Variants in GDPD2 observed in about 807,000 individuals in gnomAD.
GDPD2 encodes glycerophosphodiester phosphodiesterase domain containing 2, also known as glycerophosphodiester phosphodiesterase 3.
GDPD2 carries 23 observed loss-of-function variants against 49.2 expected under a neutral mutation model. The observed-to-expected ratio is 0.47, with a 90% CI of 0.34 to 0.66. The LOEUF (loss-of-function observed/expected upper bound fraction) is 0.66, where lower values mean the gene tolerates loss of function less well. Among genes scored for constraint, GDPD2 ranks in the 30% least tolerant of loss-of-function variants. GDPD2 has a pLI of 0.01. For missense variants in GDPD2, 338 were observed against 424.7 expected (o/e 0.80, Z 1.79); for synonymous variants, 167 against 171.4 (o/e 0.97, Z 0.20).
Position 70,433,053 on chromosome X carries a change from G to A in GDPD2, c.1587G>A (p.Leu529=), listed in dbSNP as rs35940902. The A allele has an allele frequency of 8.1e-4, 977 of 1,199,135 alleles. 9 individuals are homozygous for A. The African/African-American group carries it at 0.014, about 17-fold the overall frequency. Residue 529 remains leucine (L), a synonymous_variant, in exon 16 of 16, where the codon CTG becomes CTA. Coordinates refer to ENST00000374382, the MANE Select transcript of GDPD2 (RefSeq NM_017711.4). The part of the protein sequence containing the change: ...RGKTGLETAV[L]LTRINNFMME Reference sequence around the variant, plus strand: ...CCCCAGGCTTAGAAACAGCAGTGCTGCTGACAAGGATCAACAATTTCATGA... The same window carrying A: ...CCCCAGGCTTAGAAACAGCAGTGCTACTGACAAGGATCAACAATTTCATGA...
rs201919031 is a variant in GDPD2 at position 70,426,071 on chromosome X, G to A, written c.323G>A (p.Arg108Gln). ...SLLLVLALLL[R>Q]LCRQPLHLHS... ...CTCTAGGTCCTGGCCCTGCTCCTGC[G>A]GCTTTGTAGACAGCCCCTGCATCTG... The change falls in exon 5 of 16, where the codon CGG (arginine) becomes CAG (glutamine). Residue 108 changes from arginine to glutamine, a missense_variant. Coordinates refer to ENST00000374382, the MANE Select transcript of GDPD2 (RefSeq NM_017711.4). 5.4e-5 allele frequency: 65 copies of A among 1,207,566 alleles called. No individual in the cohort carries two copies. The highest frequency in any genetic ancestry group is 6.4e-5 in the Non-Finnish European group (57 of 892,808).
chrX:70,426,736 G>T lies in GDPD2; in HGVS notation c.551G>T (p.Arg184Leu). The T allele has an allele frequency of 8.3e-7, 1 of 1,198,699 alleles. No homozygotes were observed. Among genetic ancestry groups the T allele is most frequent in the East Asian group, 3.0e-5 (1 of 33,755 alleles). The change falls in exon 7 of 16, where the codon CGA becomes CTA. Residue 184 changes from arginine (R) to leucine (L), a missense_variant. Arg to Leu is a moderately radical substitution (Grantham distance 102, BLOSUM62 -2). Transcript: ENST00000374382. ...PVADTFYRIH[R>L]RGPKILLLLL... ...GCTGATACCTTCTACCGTATCCACC[G>T]AAGAGGTGCCAACGCTGCTGCCCCA...
chrX:70,430,648 C>G (rs942948060), intron 12 of GDPD2, among the ~76,000 whole-genome samples: 11 of 111,843 alleles, frequency 9.8e-5, no homozygotes, highest in African/African-American at 3.6e-4. Flanking sequence ...CAGATGTGAG[C>G]TGAGCCCCAG....
At chrX:70,425,890 CA>C (rs1368258150) in intron 4 of GDPD2, 34 bp downstream of exon 4, 1 of 949,244 alleles carries the variant, frequency 1.1e-6, no homozygotes, top group Non-Finnish European at 1.5e-6. Context: ...AACCCCACCT[CA>C]GCCTTCCTTC....
chrX:70,429,449 C>T (rs1979602307), intron 10 of GDPD2, 44 bp from the exon 11 acceptor site: 1 of 876,507 alleles, frequency 1.1e-6, no homozygotes, highest in Admixed American at 2.6e-5. Flanking sequence ...GGGGCAAGGC[C>T]TGGAAGCCTC....
At chrX:70,432,977 C>G (rs768673526) in intron 15 of GDPD2, 37 bp downstream of exon 15, 5 of 1,177,642 alleles carry the variant, frequency 4.2e-6, no homozygotes, top group Non-Finnish European at 5.8e-6. Context: ...GTTTCTCCTC[C>G]TGTAGCTTTC....
intron 12 of GDPD2, chrX:70,430,869 C>A: frequency 2.6e-6 from 1 of 386,674 alleles, no homozygotes; most frequent in South Asian, 5.1e-5. Flanking sequence ...GTGGCCTGAT[C>A]AGAGCTCACT....
At chrX:70,425,243 C>G in intron 2 of GDPD2, 111 bp from the exon 3 acceptor site, 3 of 671,035 alleles carry the variant, frequency 4.5e-6, no homozygotes, top group Non-Finnish European at 4.9e-6. Context: ...AGCTGCCCCC[C>G]GAGCAGAGCA....
intron 10 of GDPD2, among the ~76,000 whole-genome samples, chrX:70,428,722 T>G (rs771398967): frequency 8.9e-6 from 1 of 112,398 alleles, no homozygotes; most frequent in African/African-American, 3.2e-5. Context: ...ATGGGAATAA[T>G]AACAGTACCT....
At chrX:70,427,255 T>G (rs1158250318) in intron 9 of GDPD2, 36 bp downstream of exon 9, 1 of 1,200,086 alleles carries the variant, frequency 8.3e-7, no homozygotes, top group Non-Finnish European at 1.1e-6. Context: ...TCTGGGGGGC[T>G]GAAGGACATG....
chrX:70,424,102 C>T (rs1276904487), intron 1 of GDPD2, among the ~76,000 whole-genome samples: 1 of 111,522 alleles, frequency 9.0e-6, no homozygotes, highest in Non-Finnish European at 1.9e-5. Flanking sequence ...GCATAAGGTA[C>T]AGGGGTCCCC....
At chrX:70,430,811 A>T (rs757691964) in intron 12 of GDPD2, among the ~76,000 whole-genome samples, 264 of 109,934 alleles carry the variant, frequency 2.4e-3, no homozygotes, top group African/African-American at 7.0e-3. Flanking sequence ...AATTAAAAAA[A>T]TTTTTTTTAG....
At chrX:70,431,173 A>T in intron 12 of GDPD2, 1 of 1,030,140 alleles carries the variant, frequency 9.7e-7, no homozygotes. Context: ...AAGACATGAC[A>T]TAGGGTTTGG....
At chrX:70,432,168 T>G (rs2086483254) in intron 12 of GDPD2, 139 bp from the exon 13 acceptor site, 1 of 502,843 alleles carries the variant, frequency 2.0e-6, no homozygotes, top group African/African-American at 2.4e-5. Context: ...TCATTGTTGG[T>G]CAGGGGCTGC....
chrX:70,429,795 C>T lies in GDPD2; in HGVS notation c.1158+81C>T, dbSNP rs749405886. 3 of 1,055,942 alleles carry T rather than the reference C, an allele frequency of 2.8e-6. No individual in the cohort carries two copies. In the African/African-American group the frequency reaches 5.6e-5, roughly 20 times the overall value. The allele number at this position is 1,055,942 out of a possible 1,213,427, so 87.0% of individuals were successfully genotyped here. A position where few individuals can be genotyped will look rare whatever the true frequency, so the allele number is the denominator to read the frequency against. ...AGGATGATTTTGAGGCTGCCCCTAC[C>T]CCCAGGGCCCTGCCCCAGCTCACAT... is the stretch of plus-strand genomic sequence containing the variant. On this transcript the variant is annotated intron_variant, in intron 11 of 15. Transcript: ENST00000374382.
chrX:70,427,767 A>G (rs773631377), intron 10 of GDPD2: 9 of 208,004 alleles, frequency 4.3e-5, no homozygotes, highest in African/African-American at 2.3e-4. Flanking sequence ...GAGGACACGT[A>G]AAGCCCAGAA....
At chrX:70,431,738 A>T (rs1047058127) in intron 12 of GDPD2, among the ~76,000 whole-genome samples, 5 of 111,474 alleles carry the variant, frequency 4.5e-5, no homozygotes, top group Non-Finnish European at 7.5e-5. Flanking sequence ...AATAAAATAA[A>T]AACCAGCTGA....
In GDPD2 at chrX:70,428,528, G is replaced by A. The variant is rs191309519; in HGVS notation, c.937-965G>A. On this transcript the variant is annotated intron_variant, in intron 10 of 15. Coordinates refer to ENST00000374382, the MANE Select transcript of GDPD2 (RefSeq NM_017711.4). ...TCTCTCTCTCTATTTTGCACAGACAGAATCATTACACAGACTCTTTTGCAA... is the reference window on the plus strand; with the variant it reads ...TCTCTCTCTCTATTTTGCACAGACAAAATCATTACACAGACTCTTTTGCAA... Among the ~76,000 whole-genome samples the A allele has an allele frequency of 2.9e-4, 33 of 112,194 alleles. No homozygotes were observed. In the East Asian group the frequency reaches 8.6e-3, roughly 29 times the overall value.
chrX:70,429,849 C>G (rs774042784), intron 11 of GDPD2, 66 bp from the exon 12 acceptor site: 6 of 1,161,715 alleles, frequency 5.2e-6, no homozygotes, highest in Non-Finnish European at 7.0e-6. Flanking sequence ...AACTGTTTGC[C>G]CCTGTCCCTG....
Sources: allele counts gnomAD v4.1 joint callset (sites outside exome capture counted in the v4.1 genomes callset), GRCh38; gene constraint gnomAD v4.1.1; transcripts MANE v1.5; gene names NCBI Gene and HGNC (gene_info 2026-07-23, HGNC 2026-07-21).